Variants in NEK11 observed in about 807,000 individuals in gnomAD.
NEK11 encodes the protein NIMA related kinase 11.
In NEK11, 72 loss-of-function variants were observed where a neutral mutation model predicts 80.7. The observed-to-expected ratio is 0.89, with a 90% CI of 0.74 to 1.08. The LOEUF is 1.08. Among genes scored for constraint, NEK11 ranks in the 50% least tolerant of loss-of-function variants. NEK11 has a pLI of 0.00. For synonymous variants in NEK11, 251 were observed against 260.7 expected (o/e 0.96, Z 0.36); for missense variants, 764 against 763.6 (o/e 1.00, Z -0.01).
chr3:131,097,722 C>A (rs1194033377), intron 4 of NEK11, among the ~76,000 whole-genome samples: 2 of 150,470 alleles, frequency 1.3e-5, no homozygotes, highest in East Asian at 3.9e-4. Context: ...GTGAAAATGG[C>A]CATACTGCCC....
chr3:131,325,245 A>G (rs1423641668), intron 17 of NEK11: 1 of 152,244 alleles, frequency 6.6e-6, no homozygotes, highest in Admixed American at 6.5e-5. Flanking sequence ...AGTCAGCTAT[A>G]GAATCAAAGG....
intron 14 of NEK11, among the ~76,000 whole-genome samples, chr3:131,214,914 T>G (rs549346710): frequency 5.9e-5 from 9 of 152,270 alleles, no homozygotes; most frequent in African/African-American, 1.9e-4. Flanking sequence ...ACCTCATGTG[T>G]GATGCTGTAG....
intron 5 of NEK11, among the ~76,000 whole-genome samples, chr3:131,122,100 G>A (rs557131891): frequency 1.8e-4 from 27 of 152,196 alleles, no homozygotes; most frequent in Non-Finnish European, 3.2e-4. Context: ...GTTCCTATTC[G>A]GCCATCTTGG....
At chr3:131,148,164 TTTGA>T (rs1219161015) in intron 7 of NEK11, among the ~76,000 whole-genome samples, 2 of 151,870 alleles carry the variant, frequency 1.3e-5, no homozygotes, top group Non-Finnish European at 2.9e-5. Flanking sequence ...TGAGATATAT[TTTGA>T]TTGATTTATT....
At chr3:131,316,537 G>A (rs925296887) in intron 17 of NEK11, among the ~76,000 whole-genome samples, 2 of 152,190 alleles carry the variant, frequency 1.3e-5, no homozygotes, top group Non-Finnish European at 2.9e-5. Flanking sequence ...ATTATATTTT[G>A]TAAATGAGAA....
intron 17 of NEK11, among the ~76,000 whole-genome samples, chr3:131,299,306 G>A (rs1279414288): frequency 6.6e-6 from 1 of 152,088 alleles, no homozygotes; most frequent in Non-Finnish European, 1.5e-5. Flanking sequence ...GGTTTCAAGT[G>A]ATTCTCATGC....
chr3:131,259,725 G>A (rs1382142751), intron 16 of NEK11, among the ~76,000 whole-genome samples: 1 of 152,144 alleles, frequency 6.6e-6, no homozygotes, highest in Non-Finnish European at 1.5e-5. Flanking sequence ...ACCATGATCA[G>A]TCATTAAAGG....
At chr3:131,285,984 T>C (rs1004710659) in intron 17 of NEK11, among the ~76,000 whole-genome samples, 1 of 152,236 alleles carries the variant, frequency 6.6e-6, no homozygotes, top group African/African-American at 2.4e-5. Context: ...AGCCTCAGTT[T>C]CTTCACCTGT....
In NEK11 at chr3:131,272,665, G is replaced by A. The variant is rs531604019; in HGVS notation, c.1622-813G>A. Among the ~76,000 whole-genome samples the A allele has an allele frequency of 7.5e-4, 113 of 151,544 alleles. 2 individuals carry two copies. Among genetic ancestry groups the A allele is most frequent in the African/African-American group, 2.6e-3 (108 of 41,312 alleles). ...TAATTTTTATATTTTTAGTAGAGAC[G>A]AGGTTTCACCATGTTGGCCAGGCTG... On this transcript the variant is annotated intron_variant, in intron 16 of 17. Transcript: ENST00000383366.
intron 5 of NEK11, among the ~76,000 whole-genome samples, chr3:131,124,871 G>T (rs1578686984): frequency 6.6e-6 from 1 of 152,272 alleles, no homozygotes. Context: ...ACCTCAGTTT[G>T]AACCAATAGG....
chr3:131,269,618 C>T (rs2096138605), intron 16 of NEK11, among the ~76,000 whole-genome samples: 1 of 152,212 alleles, frequency 6.6e-6, no homozygotes, highest in East Asian at 1.9e-4. Flanking sequence ...ATGGAGAAAT[C>T]ACCCGCCTTC....
chr3:131,180,986 G>A (rs754790957), intron 14 of NEK11, among the ~76,000 whole-genome samples: 15 of 152,132 alleles, frequency 9.9e-5, no homozygotes, highest in African/African-American at 3.1e-4. Context: ...GCCAGCTAAC[G>A]AAAGTTACTA....
intron 16 of NEK11, among the ~76,000 whole-genome samples, chr3:131,265,026 G>T (rs879460883): frequency 2.9e-4 from 44 of 152,058 alleles, no homozygotes; most frequent in Non-Finnish European, 4.7e-4. Context: ...GTCTGTTATT[G>T]GTATATAGGA....
At chr3:131,239,211 T>C (rs192213501) in intron 15 of NEK11, among the ~76,000 whole-genome samples, 2 of 152,178 alleles carry the variant, frequency 1.3e-5, no homozygotes, top group East Asian at 3.9e-4. Context: ...ATGGGATGGC[T>C]CTGAGAGAAG....
intron 5 of NEK11, among the ~76,000 whole-genome samples, chr3:131,119,542 G>A (rs1307667419): frequency 1.3e-5 from 2 of 152,102 alleles, no homozygotes; most frequent in East Asian, 1.9e-4. Context: ...TTTCTGTCTT[G>A]TTGTTCTGCC....
intron 17 of NEK11, among the ~76,000 whole-genome samples, chr3:131,319,490 T>C (rs2096876589): frequency 6.6e-6 from 1 of 152,172 alleles, no homozygotes; most frequent in Non-Finnish European, 1.5e-5. Context: ...AGCATGCTTA[T>C]AGTATGATTG....
chr3:131,283,497 C>T (rs1231933669), intron 17 of NEK11, among the ~76,000 whole-genome samples: 2 of 149,880 alleles, frequency 1.3e-5, no homozygotes, highest in Non-Finnish European at 2.9e-5. Flanking sequence ...GCATCTCATT[C>T]TCTGAGCTCA....
At chr3:131,332,440 G>C (rs7614431) in intron 17 of NEK11, among the ~76,000 whole-genome samples, 3,123 of 152,162 alleles carry the variant, frequency 0.021, 98 homozygotes, top group African/African-American at 0.071. Context: ...CAAACAGAAA[G>C]GACATCCACA....
intron 17 of NEK11, among the ~76,000 whole-genome samples, chr3:131,332,584 T>C (rs1184086898): frequency 1.3e-5 from 2 of 152,182 alleles, no homozygotes; most frequent in African/African-American, 4.8e-5. Context: ...AGGAACGCAG[T>C]TCCTCACCAG....
Sources: gnomAD v4.1 joint callset for allele counts (sites outside exome capture counted in the v4.1 genomes callset) on GRCh38, gnomAD v4.1.1 for gene constraint, MANE v1.5 for transcripts, NCBI Gene and HGNC (gene_info 2026-07-23, HGNC 2026-07-21) for gene names.